The following RORA variants were observed in gnomAD, a reference collection of about 807,000 sequenced individuals.
RORA encodes nuclear receptor ROR-alpha.
Under a neutral mutation model 69.5 loss-of-function variants are expected in RORA, and 7 were observed. The ratio of observed to expected loss-of-function variants is 0.10; its 90% confidence interval spans 0.06 to 0.19. The LOEUF is 0.19. Ranked by LOEUF, RORA falls within the 10% of genes least tolerant of loss-of-function variation. The pLI, the probability that RORA is intolerant of heterozygous loss-of-function variation, is 1.00. For synonymous variants in RORA, 261 were observed against 240.8 expected, an observed-to-expected ratio of 1.08 and a Z score of -0.78; for missense variants, 457 against 663.0, an observed-to-expected ratio of 0.69 and a Z score of 3.41.
intron 1 of RORA, among the ~76,000 whole-genome samples, chr15:60,710,255 G>A (rs1198206231): frequency 1.3e-5 from 2 of 152,148 alleles, no homozygotes; most frequent in South Asian, 2.1e-4. Context: ...TTGGGAGGCC[G>A]AGGTGGGTGG....
Position 61,226,255 on chromosome 15 carries a change from A to C in RORA, c.166+2798T>G, listed in dbSNP as rs1414670537. On this transcript the variant is annotated intron_variant, in intron 1 of 10. Coordinates refer to ENST00000335670, the MANE Select transcript of RORA (RefSeq NM_134261.3). This position sits in a 1 kb window ranked among gnomAD's most constrained non-coding sequence, Gnocchi z 4.2. ...TTTGGAAAGTATCTCCCAAATCAGA[A>C]AGCTTCCCATTTCACCCAATGCCAA... Among the ~76,000 whole-genome samples, 1 of 152,184 alleles carries C rather than the reference A, an allele frequency of 6.6e-6. No homozygotes were observed. The highest frequency in any genetic ancestry group is 2.4e-5 in the African/African-American group (1 of 41,438).
At chr15:61,141,971 A>C (rs923064552) in intron 1 of RORA, among the ~76,000 whole-genome samples, 7 of 152,126 alleles carry the variant, frequency 4.6e-5, no homozygotes, top group Admixed American at 2.0e-4. Flanking sequence ...GGCTAAGTGG[A>C]AAAGGGGAGG....
intron 1 of RORA, among the ~76,000 whole-genome samples, chr15:60,931,863 G>A (rs974310): frequency 6.6e-6 from 1 of 151,998 alleles, no homozygotes; most frequent in Non-Finnish European, 1.5e-5. Context: ...GCTAAATATT[G>A]ATTCCTTCAA....
At chr15:60,603,531 G>A (rs887865702) in intron 2 of RORA, among the ~76,000 whole-genome samples, 14 of 152,134 alleles carry the variant, frequency 9.2e-5, no homozygotes, top group Admixed American at 5.2e-4. Context: ...AAAATTATTC[G>A]TCCTAGAGGA....
chr15:60,774,318 G>A (rs115958677), intron 1 of RORA, among the ~76,000 whole-genome samples: 3,715 of 152,240 alleles, frequency 0.024, 159 homozygotes, highest in African/African-American at 0.086. Flanking sequence ...AATCTGTGGC[G>A]CCATTCTGTG....
rs2078475984 is a variant in RORA, at chr15:61,077,855, A to C, written c.166+151198T>G. Among the ~76,000 whole-genome samples, 3 of 152,294 alleles carry C rather than the reference A, an allele frequency of 2.0e-5. No homozygotes were observed. The Middle Eastern group carries it at 0.01, about 518-fold the overall frequency. On this transcript the variant is annotated intron_variant, in intron 1 of 10. Coordinates refer to ENST00000335670, the MANE Select transcript of RORA (RefSeq NM_134261.3). ...AGCGCTTCCATTTCTGTACCCTCAC[A>C]TGCAGGCCTGCCCTCTTGCCTGAAT...
chr15:60,887,711 C>G (rs2073767027), intron 1 of RORA, among the ~76,000 whole-genome samples: 1 of 152,160 alleles, frequency 6.6e-6, no homozygotes, highest in African/African-American at 2.4e-5. Flanking sequence ...CAGGACAGTA[C>G]TAGCATGAAA....
intron 1 of RORA, among the ~76,000 whole-genome samples, chr15:60,772,011 A>G (rs1177513638): frequency 6.6e-6 from 1 of 152,230 alleles, no homozygotes. Flanking sequence ...AAATTTTCAA[A>G]TCATGGCTGA....
At chr15:61,094,155 T>A (rs2078754349) in intron 1 of RORA, among the ~76,000 whole-genome samples, 1 of 152,126 alleles carries the variant, frequency 6.6e-6, no homozygotes, top group African/African-American at 2.4e-5. Flanking sequence ...CATCAGGAGG[T>A]ATCCATTCCT....
At chr15:60,814,576 G>A (rs1438678055) in intron 1 of RORA, among the ~76,000 whole-genome samples, 3 of 152,046 alleles carry the variant, frequency 2.0e-5, no homozygotes, top group South Asian at 2.1e-4. Flanking sequence ...AATCCAAGCC[G>A]AAGAAAATGG....
At chr15:61,051,593 C>T (rs1205122686) in intron 1 of RORA, among the ~76,000 whole-genome samples, 1 of 152,190 alleles carries the variant, frequency 6.6e-6, no homozygotes, top group African/African-American at 2.4e-5. Context: ...AAGCATCCCA[C>T]AGCAGTTTTA....
intron 1 of RORA, among the ~76,000 whole-genome samples, chr15:60,704,911 C>T (rs1303270474): frequency 5.3e-5 from 8 of 152,152 alleles, no homozygotes; most frequent in African/African-American, 1.9e-4. Flanking sequence ...CCACTCTGAC[C>T]TACATTATGT....
rs1198792424 is a variant in RORA, at chr15:60,534,652, A to G, written c.197-2801T>C. Among the ~76,000 whole-genome samples the G allele has an allele frequency of 1.3e-5, 2 of 152,086 alleles. No individual in the cohort carries two copies. Among genetic ancestry groups the G allele is most frequent in the African/African-American group, 2.4e-5 (1 of 41,416 alleles). On this transcript the variant is annotated intron_variant, in intron 2 of 10. Coordinates refer to ENST00000335670, the MANE Select transcript of RORA (RefSeq NM_134261.3). This position sits in a 1 kb window ranked among gnomAD's most constrained non-coding sequence, Gnocchi z 5.0. Reference sequence around the variant, plus strand: ...TTGAGGTATTCTGATTGGTTAAACTATTCTCCTAGGCTTCCTCCTGCTTGG... The same window carrying G: ...TTGAGGTATTCTGATTGGTTAAACTGTTCTCCTAGGCTTCCTCCTGCTTGG...
intron 2 of RORA, among the ~76,000 whole-genome samples, chr15:60,611,559 C>CATAAAAAAAAAAAAAAA (rs2069087799): frequency 2.8e-5 from 1 of 35,810 alleles, no homozygotes; most frequent in Non-Finnish European, 4.7e-5. Flanking sequence ...TTGAGTTTTG[C>CATAAAAAAAAAAAAAAA]AAAAAAAAAA....
intron 2 of RORA, among the ~76,000 whole-genome samples, chr15:60,676,503 T>C (rs572489811): frequency 1.3e-5 from 2 of 152,332 alleles, no homozygotes; most frequent in East Asian, 3.9e-4. Flanking sequence ...CAAAACAATA[T>C]CATTTCTGAT....
At chr15:60,743,236 A>G (rs1237339448) in intron 1 of RORA, among the ~76,000 whole-genome samples, 2 of 151,890 alleles carry the variant, frequency 1.3e-5, no homozygotes, top group African/African-American at 4.8e-5. Flanking sequence ...GCTGGTCTTG[A>G]ACTCCTTACC....
At chr15:60,798,052 C>T (rs1245086147) in intron 1 of RORA, among the ~76,000 whole-genome samples, 5 of 152,106 alleles carry the variant, frequency 3.3e-5, no homozygotes, top group Non-Finnish European at 4.4e-5. Flanking sequence ...ATCCATTGAG[C>T]TTGAACTCTG....
chr15:61,014,955 C>T (rs1895229178), intron 1 of RORA, among the ~76,000 whole-genome samples: 1 of 152,116 alleles, frequency 6.6e-6, no homozygotes, highest in Admixed American at 6.6e-5. Context: ...CTGCTAAAAC[C>T]TTATTTTTTC....
chr15:60,539,710 AG>A (rs1334902996), intron 2 of RORA, among the ~76,000 whole-genome samples: 2 of 152,226 alleles, frequency 1.3e-5, no homozygotes, highest in African/African-American at 4.8e-5. Flanking sequence ...CACCAGGATC[AG>A]CAATACAATC....
Sources: allele counts gnomAD v4.1 joint callset (sites outside exome capture counted in the v4.1 genomes callset), GRCh38; gene constraint gnomAD v4.1.1; non-coding constraint Gnocchi (gnomAD v3.1); transcripts MANE v1.5; gene names NCBI Gene and HGNC (gene_info 2026-07-23, HGNC 2026-07-21).